SCN8A: variants seen among roughly 807,000 people sequenced by gnomAD.
SCN8A encodes the protein sodium voltage-gated channel alpha subunit 8.
Under a neutral mutation model 184.1 loss-of-function variants are expected in SCN8A, and 30 were observed. The ratio of observed to expected loss-of-function variants is 0.16; its 90% CI spans 0.12 to 0.22. The LOEUF is 0.22. Ranked by LOEUF, SCN8A falls within the 10% of genes least tolerant of loss-of-function variation. SCN8A has a pLI of 1.00. For synonymous variants in SCN8A, 852 were observed against 907.0 expected (o/e 0.94, Z 1.09); for missense variants, 1,057 against 2,498.9 (o/e 0.42, Z 12.30).
At chr12:51,687,301 G>C in intron 5 of SCN8A, 82 bp downstream of exon 5, 1 of 1,489,060 alleles carries the variant, frequency 6.7e-7, no homozygotes, top group Non-Finnish European at 9.3e-7. Flanking sequence ...TTGTAGGTGT[G>C]CATTTGTGGA....
intron 12 of SCN8A, among the ~76,000 whole-genome samples, chr12:51,727,635 T>A (rs1331512086): frequency 6.6e-6 from 1 of 152,180 alleles, no homozygotes; most frequent in Non-Finnish European, 1.5e-5. Context: ...CTGCTTTACC[T>A]GGGAGAGAGG....
At chr12:51,781,958 G>A (rs1937937184) in intron 21 of SCN8A, among the ~76,000 whole-genome samples, 2 of 152,238 alleles carry the variant, frequency 1.3e-5, no homozygotes, top group Non-Finnish European at 2.9e-5. Flanking sequence ...TTCCTCATCT[G>A]TGATCCCTGG....
Position 51,811,911 on chromosome 12 carries a change from T to C in SCN8A, c.*4482T>C, listed in dbSNP as rs1419859003. The C allele has an allele frequency of 6.6e-6, 1 of 152,258 alleles. No homozygotes were observed. Among genetic ancestry groups the C allele is most frequent in the African/African-American group, 2.4e-5 (1 of 41,458 alleles). 9.4% of individuals were successfully genotyped at this position (152,258 alleles called of 1,614,324 possible). On this transcript the variant is annotated 3_prime_UTR_variant, in exon 27 of 27. Coordinates refer to ENST00000627620, the MANE Select transcript of SCN8A (RefSeq NM_001330260.2). ...AATGATGCCTCTTTCTTTTCTCAGA[T>C]GTTGCCCACAGTTTAGCAAAAAGCT...
chr12:51,724,860 T>A (rs924696335), intron 12 of SCN8A, among the ~76,000 whole-genome samples: 167 of 152,308 alleles, frequency 1.1e-3, no homozygotes, highest in African/African-American at 3.7e-3. Flanking sequence ...TTTGTTTTTG[T>A]TTTTTTAGCA....
At chr12:51,760,480 T>C (rs1455596457) in intron 14 of SCN8A, among the ~76,000 whole-genome samples, 2 of 152,180 alleles carry the variant, frequency 1.3e-5, no homozygotes, top group African/African-American at 2.4e-5. Flanking sequence ...GTTCCCACAG[T>C]ATAGATATTC....
intron 6 of SCN8A, among the ~76,000 whole-genome samples, chr12:51,698,531 G>A (rs1941633373): frequency 6.6e-6 from 1 of 152,118 alleles, no homozygotes; most frequent in African/African-American, 2.4e-5. Flanking sequence ...CCTGATATCT[G>A]GGCACGTAAA....
chr12:51,776,360 A>G (rs768035370), intron 20 of SCN8A, among the ~76,000 whole-genome samples: 13 of 152,230 alleles, frequency 8.5e-5, no homozygotes, highest in Non-Finnish European at 2.9e-5. Context: ...ACACTAATTC[A>G]TAAGCTCCTC....
chr12:51,780,588 T>C (rs1937882031), intron 20 of SCN8A, 61 bp from the exon 21 acceptor site: 2 of 322,204 alleles, frequency 6.2e-6, no homozygotes, highest in Non-Finnish European at 1.0e-5. Flanking sequence ...TTTTTTTTTT[T>C]TTTTTTTTTT....
intron 9 of SCN8A, among the ~76,000 whole-genome samples, chr12:51,704,432 G>A (rs908814033): frequency 6.6e-6 from 1 of 151,932 alleles, no homozygotes; most frequent in Non-Finnish European, 1.5e-5. Flanking sequence ...CGCTTTGGGA[G>A]GCCGAGGCAG....
intron 1 of SCN8A, among the ~76,000 whole-genome samples, chr12:51,595,022 G>T (rs1480666047): frequency 6.6e-6 from 1 of 152,126 alleles, no homozygotes; most frequent in African/African-American, 2.4e-5. Context: ...CACTCGTAAA[G>T]TCTGTTTGTT....
At chr12:51,653,205 A>C (rs1441169655) in intron 1 of SCN8A, among the ~76,000 whole-genome samples, 1 of 152,160 alleles carries the variant, frequency 6.6e-6, no homozygotes, top group Non-Finnish European at 1.5e-5. Flanking sequence ...CTGTAGTCCC[A>C]GCTACTTGGG....
chr12:51,594,472 A>G (rs907282680), intron 1 of SCN8A, among the ~76,000 whole-genome samples: 2 of 152,228 alleles, frequency 1.3e-5, no homozygotes, highest in African/African-American at 4.8e-5. Context: ...CTGTGAATGG[A>G]AAGAAAAATA....
intron 1 of SCN8A, among the ~76,000 whole-genome samples, chr12:51,646,717 A>T (rs1940596882): frequency 6.6e-6 from 1 of 152,240 alleles, no homozygotes; most frequent in Non-Finnish European, 1.5e-5. Flanking sequence ...TCTGTTTGCG[A>T]TATAAAGGGA....
chr12:51,610,172 A>AG (rs1939690548), intron 1 of SCN8A, among the ~76,000 whole-genome samples: 1 of 146,686 alleles, frequency 6.8e-6, no homozygotes, highest in South Asian at 2.1e-4. Context: ...TCTGTCTCAA[A>AG]AAAAAAAAAA....
intron 26 of SCN8A, among the ~76,000 whole-genome samples, chr12:51,800,175 G>A (rs532049565): frequency 1.3e-5 from 2 of 152,342 alleles, no homozygotes; most frequent in East Asian, 3.9e-4. Context: ...TGCTTCTGGT[G>A]GACCTTATGG....
At chr12:51,739,873 C>T (rs1180534559) in intron 12 of SCN8A, among the ~76,000 whole-genome samples, 3 of 152,198 alleles carry the variant, frequency 2.0e-5, no homozygotes, top group Non-Finnish European at 2.9e-5. Flanking sequence ...TCACAGCCTT[C>T]GGAGCTGGGA....
chr12:51,777,279 T>C (rs1937734079), intron 20 of SCN8A, among the ~76,000 whole-genome samples: 1 of 152,072 alleles, frequency 6.6e-6, no homozygotes. Context: ...AAAATTTTTT[T>C]AGGTAGGTCT....
intron 12 of SCN8A, among the ~76,000 whole-genome samples, chr12:51,726,136 G>A (rs1030317421): frequency 2.6e-5 from 4 of 152,218 alleles, no homozygotes; most frequent in African/African-American, 7.2e-5. Context: ...ATTCAGTTGT[G>A]ATTGAGTGTT....
At chr12:51,690,828 A>T (rs1254486615) in intron 6 of SCN8A, among the ~76,000 whole-genome samples, 2 of 152,244 alleles carry the variant, frequency 1.3e-5, no homozygotes, top group Non-Finnish European at 2.9e-5. Flanking sequence ...GGAGTTGGCC[A>T]GTAAATCAGT....
Sources: gnomAD v4.1 joint callset for allele counts (sites outside exome capture counted in the v4.1 genomes callset) on GRCh38, gnomAD v4.1.1 for gene constraint, MANE v1.5 for transcripts, NCBI Gene and HGNC (gene_info 2026-07-23, HGNC 2026-07-21) for gene names.